OSBPL3: variants seen among roughly 807,000 people sequenced by gnomAD.
The protein encoded by OSBPL3 is oxysterol-binding protein-related protein 3.
Under a neutral mutation model 120.1 loss-of-function variants are expected in OSBPL3, and 65 were observed. That is an observed-to-expected ratio of 0.54 (90% CI 0.44 to 0.67). OSBPL3 has a LOEUF of 0.67. Among genes scored for constraint, OSBPL3 ranks in the 30% least tolerant of loss-of-function variants. The pLI is 0.00. For synonymous variants in OSBPL3, 416 were observed against 402.6 expected (o/e 1.03, Z -0.40); for missense variants, 1,004 against 1,082.1 (o/e 0.93, Z 1.01).
chr7:24,859,112 T>C (rs1800184436), intron 10 of OSBPL3, among the ~76,000 whole-genome samples: 1 of 152,104 alleles, frequency 6.6e-6, no homozygotes, highest in Non-Finnish European at 1.5e-5. Context: ...GCATTCCAGG[T>C]AGCAATCTGT....
Position 24,966,810 on chromosome 7 carries a change from T to G in OSBPL3, c.-150+13076A>C, listed in dbSNP as rs1816433709. Among the ~76,000 whole-genome samples, 1 of 152,230 alleles carries G rather than the reference T, an allele frequency of 6.6e-6. No individual in the cohort carries two copies. Among genetic ancestry groups the G allele is most frequent in the East Asian group, 1.9e-4 (1 of 5,206 alleles). On this transcript the variant is annotated intron_variant, in intron 1 of 22. Transcript: ENST00000313367. This position sits in a 1 kb window ranked among gnomAD's most constrained non-coding sequence, Gnocchi z 4.8. The stretch of plus-strand genomic sequence containing the variant: ...GCCTCTCTAAAGAGGCTGGGCTTGT[T>G]GTGCCTCATGAGGCTGATCATTATT...
At chr7:24,886,471 A>T (rs973088203) in intron 2 of OSBPL3, among the ~76,000 whole-genome samples, 3 of 152,202 alleles carry the variant, frequency 2.0e-5, no homozygotes, top group African/African-American at 7.2e-5. Flanking sequence ...CTGTCATTGG[A>T]GTGGAAGAGC....
In OSBPL3 at chr7:24,883,200, G is replaced by T. The variant is rs557426641; in HGVS notation, c.96+9177C>A. On this transcript the variant is annotated intron_variant, in intron 2 of 22. Coordinates refer to ENST00000313367, the MANE Select transcript of OSBPL3 (RefSeq NM_015550.4). This position sits in a 1 kb window ranked among gnomAD's most constrained non-coding sequence, Gnocchi z 5.4. ...AGGAACAGAGAGGAGGTGATTTAGG[G>T]TGATGTGGGCTTGTGAACAGATGCA... Among the ~76,000 whole-genome samples the T allele has an allele frequency of 6.6e-6, 1 of 152,176 alleles. No homozygotes were observed. Among genetic ancestry groups the T allele is most frequent in the Non-Finnish European group, 1.5e-5 (1 of 68,032 alleles).
chr7:24,962,337 A>G (rs1563015343), intron 1 of OSBPL3, among the ~76,000 whole-genome samples: 3 of 148,212 alleles, frequency 2.0e-5, no homozygotes, highest in African/African-American at 7.4e-5. Context: ...GACAAGAAAG[A>G]TAAGAAAGAC....
Position 24,815,164 on chromosome 7 carries a change from G to A in OSBPL3, c.2067C>T (p.Cys689=), listed in dbSNP as rs1272684382. 1.2e-6 allele frequency: 2 copies of A among 1,613,410 alleles called. No homozygotes were observed. Among genetic ancestry groups the A allele is most frequent in the African/African-American group, 2.7e-5 (2 of 74,922 alleles). Residue 689 remains cysteine (C), a synonymous_variant, in exon 19 of 23, where the codon TGC becomes TGT. Coordinates refer to ENST00000313367, the MANE Select transcript of OSBPL3 (RefSeq NM_015550.4). This position sits in a 1 kb window ranked among gnomAD's most constrained non-coding sequence, Gnocchi z 5.1. ...DHFEWNKVTS[C]IHNILSGQRW... is the part of the protein sequence containing the mutation. ...TCTGCCCGCTTAAGATGTTATGGAT[G>A]CAAGAGGTCACTTTGTTCCACTCAA...
intron 19 of OSBPL3, among the ~76,000 whole-genome samples, chr7:24,811,713 A>T (rs940635674): frequency 2.0e-5 from 3 of 152,212 alleles, no homozygotes; most frequent in Admixed American, 1.3e-4. Flanking sequence ...ATTCTTCAGC[A>T]TGTGGATATC....
In OSBPL3 at chr7:24,855,645, G is replaced by C. The variant is rs1199661046; in HGVS notation, c.1028-3011C>G. Among the ~76,000 whole-genome samples, 2 of 152,098 alleles carry C rather than the reference G, an allele frequency of 1.3e-5. No homozygotes were observed. Among genetic ancestry groups the C allele is most frequent in the Non-Finnish European group, 2.9e-5 (2 of 68,012 alleles). ...CCACCTAATGATCTGCCACACACAG[G>C]GCAATGATCAGAGGTTGCTCATGAG... On this transcript the variant is annotated intron_variant, in intron 10 of 22. Transcript: ENST00000313367. This position sits in a 1 kb window ranked among gnomAD's most constrained non-coding sequence, Gnocchi z 4.3.
intron 5 of OSBPL3, 49 bp downstream of exon 5, chr7:24,870,683 G>A (rs1295884612): frequency 8.8e-7 from 1 of 1,140,320 alleles, no homozygotes; most frequent in Non-Finnish European, 1.3e-6. Context: ...AATAACTGAT[G>A]ATACTTCCCC....
rs1393566046 is a variant in OSBPL3, at chr7:24,896,568, G to A, written c.-149-3947C>T. On this transcript the variant is annotated intron_variant, in intron 1 of 22. Transcript: ENST00000313367. The surrounding 1 kb of genome is among the most constrained non-coding windows in gnomAD (Gnocchi z 4.4). ...AAGGCTGATTTTAAGACTCATGTTAGTAGGTTTCACTTAGAAAAGATAACA... is the reference window on the plus strand; with the variant it reads ...AAGGCTGATTTTAAGACTCATGTTAATAGGTTTCACTTAGAAAAGATAACA... Among the ~76,000 whole-genome samples, 1 of 152,234 alleles carries A rather than the reference G, an allele frequency of 6.6e-6. No individual in the cohort carries two copies. The highest frequency in any genetic ancestry group is 1.5e-5 in the Non-Finnish European group (1 of 68,044).
intron 1 of OSBPL3, 53 bp downstream of exon 1, chr7:24,979,833 C>A: frequency 1.4e-6 from 1 of 701,350 alleles, no homozygotes; most frequent in Non-Finnish European, 1.7e-6. Flanking sequence ...CCCGCGCCGC[C>A]GCCAGGCCCC....
At chr7:24,970,104 C>CTTTTTTTTT (rs10540160) in intron 1 of OSBPL3, among the ~76,000 whole-genome samples, 1 of 83,014 alleles carries the variant, frequency 1.2e-5, no homozygotes, top group Non-Finnish European at 2.1e-5. Flanking sequence ...TCGTCCCTTT[C>CTTTTTTTTT]TTTTTTTTTT....
At chr7:24,895,316 T>A (rs984199834) in intron 1 of OSBPL3, among the ~76,000 whole-genome samples, 1 of 152,206 alleles carries the variant, frequency 6.6e-6, no homozygotes, top group East Asian at 1.9e-4. Context: ...AGTCCTTACA[T>A]TGTGTTACTG....
intron 2 of OSBPL3, among the ~76,000 whole-genome samples, chr7:24,888,879 G>T (rs1804911897): frequency 6.6e-6 from 1 of 152,118 alleles, no homozygotes; most frequent in Non-Finnish European, 1.5e-5. Context: ...TACTCTCAAG[G>T]TCACCTGGCA....
rs750213087 is a variant in OSBPL3, at chr7:24,840,787, T to G, written c.1402-4A>C. On this transcript the variant is annotated splice_region_variant and splice_polypyrimidine_tract_variant and intron_variant, in intron 13 of 22. Transcript: ENST00000313367. ...CATATGAGTCATCATCAGAAATCTA[T>G]GGGAAAGAAGAAATAACATTCATTA... The G allele has an allele frequency of 1.5e-6, 2 of 1,306,832 alleles. No individual in the cohort carries two copies. The highest frequency in any genetic ancestry group is 1.1e-6 in the Non-Finnish European group (1 of 931,122). 81.0% of individuals were successfully genotyped at this position (1,306,832 alleles called of 1,614,324 possible). A position where few individuals can be genotyped will look rare whatever the true frequency, so the allele number is the denominator to read the frequency against.
Position 24,891,696 on chromosome 7 carries a change from T to G in OSBPL3, c.96+681A>C, listed in dbSNP as rs17150460. Among the ~76,000 whole-genome samples, 20,516 of 152,260 alleles carry G rather than the reference T, an allele frequency of 0.13. 1,529 individuals carry two copies. The highest frequency in any genetic ancestry group is 0.27 in the East Asian group (1,417 of 5,178). ...GCAAATTCTGCCAACAAAGATTTAT[T>G]AGAAAGGAAACCAAGAAACAATATA... On this transcript the variant is annotated intron_variant, in intron 2 of 22. Transcript: ENST00000313367. The surrounding 1 kb of genome is among the most constrained non-coding windows in gnomAD (Gnocchi z 4.1).
At chr7:24,929,689 T>A (rs7811551) in intron 1 of OSBPL3, among the ~76,000 whole-genome samples, 20,290 of 152,190 alleles carry the variant, frequency 0.13, 1,667 homozygotes, top group East Asian at 0.23. Context: ...CCAAGCTAAT[T>A]TGCCAAATCA....
In OSBPL3 at chr7:24,917,401, C is replaced by CATATATATATATATATATATAT. The variant is rs59525014; in HGVS notation, c.-149-24802_-149-24781dup. Among the ~76,000 whole-genome samples the CATATATATATATATATATATAT allele has an allele frequency of 6.8e-3, 682 of 99,820 alleles. 4 individuals carry two copies. Among genetic ancestry groups the CATATATATATATATATATATAT allele is most frequent in the Middle Eastern group, 9.3e-3 (2 of 214 alleles). The allele number at this position is 99,820 out of a possible 152,430, so 65.5% of individuals were successfully genotyped here. A position where few individuals can be genotyped will look rare whatever the true frequency, so the allele number is the denominator to read the frequency against. ...TTGTAACATATATATATATTTGTAA[C>CATATATATATATATATATATAT]ATATATATATATATATATATATATA... On this transcript the variant is annotated intron_variant, in intron 1 of 22. Transcript: ENST00000313367.
intron 13 of OSBPL3, among the ~76,000 whole-genome samples, chr7:24,841,881 C>A (rs1188982069): frequency 1.3e-5 from 2 of 151,440 alleles, no homozygotes; most frequent in African/African-American, 4.9e-5. Flanking sequence ...GACACGGTGG[C>A]ACGTGCCTGT....
intron 16 of OSBPL3, among the ~76,000 whole-genome samples, chr7:24,826,623 A>G (rs1562782902): frequency 6.6e-6 from 1 of 152,112 alleles, no homozygotes. Flanking sequence ...CAAATCCTCT[A>G]GGCCTTGGTT....
Sources: gnomAD v4.1 joint callset for allele counts (sites outside exome capture counted in the v4.1 genomes callset) on GRCh38, gnomAD v4.1.1 for gene constraint, Gnocchi (gnomAD v3.1) non-coding constraint, MANE v1.5 for transcripts, NCBI Gene and HGNC (gene_info 2026-07-23, HGNC 2026-07-21) for gene names.